Variants in PLA2G4C observed in about 807,000 individuals in gnomAD.
PLA2G4C encodes the protein cytosolic phospholipase A2 gamma.
Under a neutral mutation model 73.8 loss-of-function variants are expected in PLA2G4C, and 64 were observed. The observed-to-expected ratio is 0.87, with a 90% CI of 0.71 to 1.07. The LOEUF (loss-of-function observed/expected upper bound fraction) is 1.07, where lower values mean the gene tolerates loss of function less well. Ranked by LOEUF, PLA2G4C falls within the 50% of genes least tolerant of loss-of-function variation. PLA2G4C has a pLI of 0.00. For synonymous variants in PLA2G4C, 254 were observed against 252.1 expected, an observed-to-expected ratio of 1.01 and a Z score of -0.07; for missense variants, 622 against 665.4, an observed-to-expected ratio of 0.93 and a Z score of 0.72.
At position 48,110,562 on chromosome 19, in the gene PLA2G4C, C is replaced by CCGGAATCCGGTGCGGAGGCTTGGGCTT; in HGVS notation, c.-109_-108insAAGCCCAAGCCTCCGCACCGGATTCCG. The CCGGAATCCGGTGCGGAGGCTTGGGCTT allele has an allele frequency of 2.0e-6, 3 of 1,473,780 alleles. No homozygotes were observed. Among genetic ancestry groups the CCGGAATCCGGTGCGGAGGCTTGGGCTT allele is most frequent in the East Asian group, 2.8e-5 (1 of 35,722 alleles). The allele number at this position is 1,473,780 out of a possible 1,614,324, so 91.3% of individuals were successfully genotyped here. On this transcript the variant is annotated 5_prime_UTR_variant, in exon 1 of 17. Transcript: ENST00000599921. ...GGAATCCGGTGCGGAGGCTTGGGCT[C>CCGGAATCCGGTGCGGAGGCTTGGGCTT]CCTGCGCTTAGCGGTGTAGTCGCTG... is the stretch of plus-strand genomic sequence containing the variant.
At chr19:48,055,156 A>G in intron 14 of PLA2G4C, 107 bp from the exon 15 acceptor site, 1 of 1,003,634 alleles carries the variant, frequency 1.0e-6, no homozygotes, top group East Asian at 2.4e-5. Flanking sequence ...CAGCCCAGAC[A>G]CACAACAGAG....
chr19:48,066,253 A>G (rs1418180402), intron 13 of PLA2G4C, among the ~76,000 whole-genome samples: 2 of 152,056 alleles, frequency 1.3e-5, no homozygotes, highest in Non-Finnish European at 2.9e-5. Context: ...GGAGAGGTCT[A>G]TTCAGATGGT....
chr19:48,105,904 T>TCCCCTTCCCTC (rs1600267089), intron 2 of PLA2G4C, among the ~76,000 whole-genome samples: 68 of 3,084 alleles, frequency 0.022, 26 homozygotes, highest in African/African-American at 0.17. Context: ...CCTCCCTCCC[T>TCCCCTTCCCTC]CCCTCCCTCC....
At chr19:48,050,335 T>G (rs11564654) in intron 16 of PLA2G4C, among the ~76,000 whole-genome samples, 264 of 152,168 alleles carry the variant, frequency 1.7e-3, no homozygotes, top group African/African-American at 5.9e-3. Flanking sequence ...TTGGGGAAAC[T>G]CTCTGGGGAA....
chr19:48,073,305 C>T (rs866565668), intron 12 of PLA2G4C, among the ~76,000 whole-genome samples: 19 of 152,224 alleles, frequency 1.2e-4, no homozygotes, highest in Admixed American at 9.2e-4. Flanking sequence ...CTGCCTCAGC[C>T]TCCCAAAGTG....
intron 7 of PLA2G4C, among the ~76,000 whole-genome samples, chr19:48,090,987 C>CAG (rs2031260289): frequency 6.8e-6 from 1 of 146,312 alleles, no homozygotes; most frequent in South Asian, 2.2e-4. Context: ...GCTTGAGTGA[C>CAG]AGAGAGAGAC....
In PLA2G4C at chr19:48,099,737, C is replaced by T. The variant is rs949312102; in HGVS notation, c.381G>A (p.Ala127=). Residue 127 remains alanine (A), a synonymous_variant, in exon 5 of 17, where the codon GCG becomes GCA. Coordinates refer to ENST00000599921, the MANE Select transcript of PLA2G4C (RefSeq NM_003706.3). ...CGGTCAGAGAGTAATTCTCAGACCTCGCTGCTTGGATGGTTTTCTGTAGGC... is the reference window on the plus strand; with the variant it reads ...CGGTCAGAGAGTAATTCTCAGACCTTGCTGCTTGGATGGTTTTCTGTAGGC... ...AKSLQKTIQA[A]RSENYSLTDF... 1.7e-5 allele frequency: 28 copies of T among 1,614,090 alleles called. No homozygotes were observed. Among genetic ancestry groups the T allele is most frequent in the South Asian group, 7.7e-5 (7 of 91,080 alleles).
chr19:48,105,931 C>T (rs1469693677), intron 2 of PLA2G4C, among the ~76,000 whole-genome samples: 292 of 14,514 alleles, frequency 0.02, 57 homozygotes, highest in East Asian at 0.13. Flanking sequence ...CCCTCCCTCC[C>T]TCCCTCCCTC....
At chr19:48,085,207 C>T (rs1451674736) in intron 9 of PLA2G4C, 95 bp from the exon 10 acceptor site, 1 of 809,378 alleles carries the variant, frequency 1.2e-6, no homozygotes, top group East Asian at 2.5e-5. Context: ...TAAAGCACTG[C>T]AGGGATCTGC....
At chr19:48,093,294 C>A (rs2031404264) in intron 7 of PLA2G4C, among the ~76,000 whole-genome samples, 1 of 152,290 alleles carries the variant, frequency 6.6e-6, no homozygotes, top group Non-Finnish European at 1.5e-5. Flanking sequence ...CACATCCAAT[C>A]CAGGTGTAAT....
intron 15 of PLA2G4C, among the ~76,000 whole-genome samples, chr19:48,054,329 G>A (rs376805528): frequency 6.6e-6 from 1 of 152,040 alleles, no homozygotes; most frequent in Non-Finnish European, 1.5e-5. Context: ...ATTTGAGAAG[G>A]AGTCTTGCTC....
intron 13 of PLA2G4C, 92 bp downstream of exon 13, chr19:48,067,699 G>T: frequency 1.2e-6 from 1 of 861,374 alleles, no homozygotes; most frequent in Non-Finnish European, 2.0e-6. Flanking sequence ...GGAAGGACCA[G>T]CCTGGGATTG....
chr19:48,082,227 C>A (rs1235252705), intron 10 of PLA2G4C, among the ~76,000 whole-genome samples: 36 of 148,044 alleles, frequency 2.4e-4, no homozygotes, highest in African/African-American at 7.8e-4. Flanking sequence ...AGTAAAAATT[C>A]AAAAAAAAAC....
chr19:48,100,691 C>A (rs1458352941), intron 4 of PLA2G4C, among the ~76,000 whole-genome samples: 2 of 145,888 alleles, frequency 1.4e-5, no homozygotes. Flanking sequence ...GTGCGGATCA[C>A]GAGGTCAGGA....
intron 10 of PLA2G4C, among the ~76,000 whole-genome samples, chr19:48,079,916 G>A (rs113334110): frequency 0.02 from 3,092 of 152,318 alleles, 106 homozygotes; most frequent in African/African-American, 0.069. Flanking sequence ...AGCCGAGATC[G>A]TGCTGCTGCA....
Position 48,106,525 on chromosome 19 carries a change from C to T in PLA2G4C, c.5G>A (p.Gly2Glu). ...GGTCAGCTCTAAGAGGACTTACCTT[C>T]CCATGGTGCACTGCGGTCAGAAAAT... M[G>E]SSEVSIIPGL... The change falls in exon 2 of 17, where the codon GGA becomes GAA. Residue 2 changes from glycine (G) to glutamate (E), a missense_variant. Gly to Glu is a moderately conservative substitution (Grantham distance 98, BLOSUM62 -2). Transcript: ENST00000599921. 6.2e-7 allele frequency: 1 copy of T among 1,611,172 alleles called. No homozygotes were observed. Among genetic ancestry groups the T allele is most frequent in the South Asian group, 1.1e-5 (1 of 91,030 alleles).
intron 15 of PLA2G4C, 27 bp from the exon 16 acceptor site, chr19:48,053,174 A>G (rs1967790478): frequency 5.9e-6 from 9 of 1,526,606 alleles, no homozygotes; most frequent in Non-Finnish European, 7.1e-6. Flanking sequence ...CCAACAAAGA[A>G]AAGGCATCAT....
Position 48,061,684 on chromosome 19 carries a change from C to T in PLA2G4C, c.1257+314G>A, listed in dbSNP as rs1023060583. 22 of 330,902 alleles carry T rather than the reference C, an allele frequency of 6.6e-5. No individual in the cohort carries two copies. In the Admixed American group the frequency reaches 8.7e-4, roughly 13 times the overall value. 20.5% of individuals were successfully genotyped at this position (330,902 alleles called of 1,614,324 possible). ...ACGTGCACACCCGGGGAAGGAGGTG[C>T]ACAGGTGAGGAGCTAGGCTGTTGCA... On this transcript the variant is annotated intron_variant, in intron 14 of 16. Coordinates refer to ENST00000599921, the MANE Select transcript of PLA2G4C (RefSeq NM_003706.3).
At chr19:48,101,643 G>A (rs1446285257) in intron 4 of PLA2G4C, among the ~76,000 whole-genome samples, 2 of 151,100 alleles carry the variant, frequency 1.3e-5, no homozygotes, top group Non-Finnish European at 2.9e-5. Flanking sequence ...TTTGGAACAA[G>A]CTGGGTATGA....
Sources: allele counts gnomAD v4.1 joint callset (sites outside exome capture counted in the v4.1 genomes callset), GRCh38; gene constraint gnomAD v4.1.1; transcripts MANE v1.5; gene names NCBI Gene and HGNC (gene_info 2026-07-23, HGNC 2026-07-21).